Variants in TBC1D5 observed in about 807,000 individuals in gnomAD.
The protein encoded by TBC1D5 is TBC1 domain family member 5.
A neutral mutation model predicts 100.3 loss-of-function variants in TBC1D5; 75 were observed. The ratio of observed to expected loss-of-function variants is 0.75; its 90% CI spans 0.62 to 0.91. TBC1D5 has a LOEUF of 0.91. TBC1D5 is among the 40% of genes least tolerant of loss of function. The pLI is 0.00. For missense variants in TBC1D5, 910 were observed against 942.4 expected (o/e 0.97, Z 0.45); for synonymous variants, 323 against 325.6 (o/e 0.99, Z 0.09).
At chr3:17,159,184 T>C (rs2065832363) in exon 22 of TBC1D5, 1 of 133,048 alleles carries the variant, frequency 7.5e-6, no homozygotes, top group Non-Finnish European at 1.6e-5. Flanking sequence ...GCAAAACCAG[T>C]TATTATTCAC....
chr3:17,312,025 G>A (rs2084084875), intron 13 of TBC1D5, among the ~76,000 whole-genome samples: 1 of 152,068 alleles, frequency 6.6e-6, no homozygotes, highest in African/African-American at 2.4e-5. Flanking sequence ...AGGTAAAAAT[G>A]TTTATCTCTG....
At chr3:17,437,048 C>T (rs1018053148) in intron 3 of TBC1D5, among the ~76,000 whole-genome samples, 3 of 151,730 alleles carry the variant, frequency 2.0e-5, no homozygotes, top group African/African-American at 4.8e-5. Context: ...GAGAGCTCTA[C>T]ACTTATGAAT....
At chr3:17,725,774 G>T (rs994046431) in intron 1 of TBC1D5, among the ~76,000 whole-genome samples, 3 of 152,116 alleles carry the variant, frequency 2.0e-5, no homozygotes, top group Non-Finnish European at 4.4e-5. Context: ...TAAACTGCAT[G>T]TCACAGGGGT....
intron 12 of TBC1D5, among the ~76,000 whole-genome samples, chr3:17,374,108 G>A (rs1267185406): frequency 6.6e-6 from 1 of 152,014 alleles, no homozygotes; most frequent in Non-Finnish European, 1.5e-5. Flanking sequence ...CAACGCACTG[G>A]TAAAAGCAAA....
intron 2 of TBC1D5, among the ~76,000 whole-genome samples, chr3:17,544,508 GGGTGT>G (rs2096393147): frequency 6.6e-6 from 1 of 152,052 alleles, no homozygotes; most frequent in African/African-American, 2.4e-5. Flanking sequence ...AAAATTGGCT[GGGTGT>G]GGTAGCACAT....
intron 1 of TBC1D5, among the ~76,000 whole-genome samples, chr3:17,625,623 T>C (rs1450643412): frequency 1.3e-5 from 2 of 152,142 alleles, no homozygotes; most frequent in East Asian, 1.9e-4. Context: ...ATGTAAATTA[T>C]GTTTTTATAT....
At chr3:17,724,688 T>A (rs868258870) in intron 1 of TBC1D5, among the ~76,000 whole-genome samples, 2 of 152,210 alleles carry the variant, frequency 1.3e-5, no homozygotes, top group Admixed American at 6.5e-5. Flanking sequence ...TATTATCTCA[T>A]CAAATATTGT....
chr3:17,646,468 A>T (rs568611481), intron 1 of TBC1D5, among the ~76,000 whole-genome samples: 2 of 152,278 alleles, frequency 1.3e-5, no homozygotes, highest in South Asian at 2.1e-4. Flanking sequence ...TCTGAATAGC[A>T]TCCCATCCAC....
chr3:17,336,296 C>G (rs2087782636), intron 13 of TBC1D5, among the ~76,000 whole-genome samples: 1 of 151,988 alleles, frequency 6.6e-6, no homozygotes, highest in Non-Finnish European at 1.5e-5. Context: ...AATGTAGAAA[C>G]TGGAAAGCTG....
intron 17 of TBC1D5, among the ~76,000 whole-genome samples, chr3:17,216,844 T>TA (rs1264345528): frequency 1.3e-5 from 2 of 152,216 alleles, no homozygotes; most frequent in East Asian, 1.9e-4. Context: ...ACTTTCATTA[T>TA]AAACAGATTA....
intron 4 of TBC1D5, among the ~76,000 whole-genome samples, chr3:17,411,420 C>A (rs1275602543): frequency 6.6e-6 from 1 of 152,040 alleles, no homozygotes; most frequent in Admixed American, 6.6e-5. Flanking sequence ...GTATACACAT[C>A]TCAAAAACCA....
intron 17 of TBC1D5, among the ~76,000 whole-genome samples, chr3:17,217,484 T>A (rs2073787496): frequency 6.6e-6 from 1 of 152,140 alleles, no homozygotes. Context: ...ATTTTACATT[T>A]CCATCAGTAT....
intron 2 of TBC1D5, among the ~76,000 whole-genome samples, chr3:17,546,838 T>C (rs993904416): frequency 1.3e-5 from 2 of 152,032 alleles, no homozygotes; most frequent in African/African-American, 4.8e-5. Context: ...TCTGCTGATA[T>C]TCCTCTATTA....
chr3:17,273,382 T>G (rs1481775044), intron 15 of TBC1D5, among the ~76,000 whole-genome samples: 2 of 152,172 alleles, frequency 1.3e-5, no homozygotes, highest in African/African-American at 4.8e-5. Flanking sequence ...CCATTAATAC[T>G]TATACTCGAA....
At chr3:17,490,457 TCA>T (rs1369011454) in intron 3 of TBC1D5, among the ~76,000 whole-genome samples, 5 of 152,204 alleles carry the variant, frequency 3.3e-5, no homozygotes, top group African/African-American at 9.7e-5. Context: ...TCCAGAGTTT[TCA>T]CAGTTTCATA....
intron 18 of TBC1D5, among the ~76,000 whole-genome samples, chr3:17,190,001 G>A (rs2069664237): frequency 6.6e-6 from 1 of 152,052 alleles, no homozygotes; most frequent in Non-Finnish European, 1.5e-5. Context: ...CTATCATTCT[G>A]CCCCAAATAG....
chr3:17,178,391 C>T (rs1481963769), intron 19 of TBC1D5, among the ~76,000 whole-genome samples: 1 of 152,108 alleles, frequency 6.6e-6, no homozygotes, highest in Non-Finnish European at 1.5e-5. Flanking sequence ...ATATATACCA[C>T]ATTTTCTTTA....
intron 3 of TBC1D5, among the ~76,000 whole-genome samples, chr3:17,450,939 T>A (rs1407233369): frequency 6.6e-6 from 1 of 152,146 alleles, no homozygotes; most frequent in Non-Finnish European, 1.5e-5. Flanking sequence ...ATCGTCAGAT[T>A]CACCAAGGTT....
At chr3:17,315,620 T>C (rs989478617) in intron 13 of TBC1D5, among the ~76,000 whole-genome samples, 1 of 152,266 alleles carries the variant, frequency 6.6e-6, no homozygotes. Flanking sequence ...GTGATATTAC[T>C]ATCAGCTCTG....
Sources: gnomAD v4.1 joint callset for allele counts (sites outside exome capture counted in the v4.1 genomes callset) on GRCh38, gnomAD v4.1.1 for gene constraint, MANE v1.5 for transcripts, NCBI Gene and HGNC (gene_info 2026-07-23, HGNC 2026-07-21) for gene names.